DHX37: variants seen among roughly 807,000 people sequenced by gnomAD.
The protein encoded by DHX37 is DEAH-box helicase 37, also known as probable ATP-dependent RNA helicase DHX37.
A neutral mutation model predicts 134.3 loss-of-function variants in DHX37; 52 were observed. The observed-to-expected ratio is 0.39, with a 90% CI of 0.31 to 0.49. The LOEUF (loss-of-function observed/expected upper bound fraction) is 0.49, where lower values mean the gene tolerates loss of function less well. Ranked by LOEUF, DHX37 falls within the 20% of genes least tolerant of loss-of-function variation. The pLI, the probability that DHX37 is intolerant of heterozygous loss-of-function variation, is 0.93. For missense variants in DHX37, 1,344 were observed against 1,580.8 expected (o/e 0.85, Z 2.54); for synonymous variants, 634 against 670.7 (o/e 0.95, Z 0.85).
intron 22 of DHX37, 38 bp downstream of exon 22, chr12:124,950,652 C>G: frequency 6.2e-7 from 1 of 1,606,174 alleles, no homozygotes; most frequent in Admixed American, 1.7e-5. Flanking sequence ...ATTAGCGTCA[C>G]CATCGGGGGA....
rs1249174214 is a variant in DHX37 at position 124,947,731 on chromosome 12, C to T, written c.*71G>A. On this transcript the variant is annotated 3_prime_UTR_variant, in exon 27 of 27. Transcript: ENST00000308736. Reference sequence around the variant, plus strand: ...GAAGCCCATGCCAGGTGGTCACGGTCGCACGGTGACAGGCTGCTGCCAGCC... The same window carrying T: ...GAAGCCCATGCCAGGTGGTCACGGTTGCACGGTGACAGGCTGCTGCCAGCC... 11 of 1,488,754 alleles carry T rather than the reference C, an allele frequency of 7.4e-6. No individual in the cohort carries two copies. Among genetic ancestry groups the T allele is most frequent in the South Asian group, 5.6e-5 (4 of 71,286 alleles). 92.2% of individuals were successfully genotyped at this position (1,488,754 alleles called of 1,614,324 possible).
chr12:124,947,877 A>C lies in DHX37; in HGVS notation c.3399T>G (p.Ala1133=). 1 of 1,610,120 alleles carries C rather than the reference A, an allele frequency of 6.2e-7. No homozygotes were observed. Among genetic ancestry groups the C allele is most frequent in the South Asian group, 1.1e-5 (1 of 90,478 alleles). ...AWKKNPKYLL[A]EYCEWLPQAM... is the part of the protein sequence containing the mutation. ...CCTGTGGAAGCCACTCACAGTACTCAGCCAGCAGGTCTGCAGGGGAGGGAA... is the reference window on the plus strand; with the variant it reads ...CCTGTGGAAGCCACTCACAGTACTCCGCCAGCAGGTCTGCAGGGGAGGGAA... The change falls in exon 27 of 27, where the codon GCT becomes GCG. Residue 1133 remains alanine, a synonymous_variant. Coordinates refer to ENST00000308736, the MANE Select transcript of DHX37 (RefSeq NM_032656.4).
chr12:124,966,537 A>C (rs946447832), intron 12 of DHX37, among the ~76,000 whole-genome samples: 3 of 151,760 alleles, frequency 2.0e-5, no homozygotes, highest in Non-Finnish European at 4.4e-5. Context: ...TAATCTAAAA[A>C]ATTTTTTGTA....
intron 20 of DHX37, 72 bp from the exon 21 acceptor site, chr12:124,952,642 A>G: frequency 1.4e-6 from 2 of 1,457,580 alleles, no homozygotes; most frequent in South Asian, 2.9e-5. Flanking sequence ...CCTCCTAGAA[A>G]GTCCCAACCA....
In DHX37 at chr12:124,968,587, T is replaced by C. The variant is rs781633830; in HGVS notation, c.1355A>G (p.Tyr452Cys). 158 of 1,613,990 alleles carry C rather than the reference T, an allele frequency of 9.8e-5. 4 individuals are homozygous for C. The South Asian group carries it at 1.6e-3, about 17-fold the overall frequency. ...HFNKRTPLED[Y>C]SGECFRKVCK... is the part of the protein sequence containing the mutation. ...GACCTTCCGGAAGCACTCGCCACTG[T>C]AGTCTTCCAGCGGTGTCCGCTTGTT... The change falls in exon 10 of 27, where the codon TAC (tyrosine) becomes TGC (cysteine). Residue 452 changes from tyrosine to cysteine, a missense_variant. This residue lies in a region of DHX37 where 289 missense variants were observed against 323.8 expected (regional missense o/e 0.89). Coordinates refer to ENST00000308736, the MANE Select transcript of DHX37 (RefSeq NM_032656.4).
chr12:124,985,094 C>A (rs950686088), intron 2 of DHX37, among the ~76,000 whole-genome samples: 4 of 152,156 alleles, frequency 2.6e-5, no homozygotes, highest in African/African-American at 7.2e-5. Context: ...TCCCCTGAGC[C>A]CAGTGAGGAG....
At chr12:124,958,548 C>A (rs1358747592) in intron 16 of DHX37, among the ~76,000 whole-genome samples, 1 of 152,198 alleles carries the variant, frequency 6.6e-6, no homozygotes, top group Non-Finnish European at 1.5e-5. Flanking sequence ...ACTAGTAACT[C>A]CCTCCTAGAG....
chr12:124,972,658 G>C, intron 6 of DHX37, 59 bp from the exon 7 acceptor site: 1 of 1,556,316 alleles, frequency 6.4e-7, no homozygotes, highest in Non-Finnish European at 8.9e-7. Context: ...TGTCGCCACG[G>C]GGCCACTACA....
At position 124,971,252 on chromosome 12, in the gene DHX37, TG is replaced by T. The variant is rs763433024; in HGVS notation, c.1191+49del. 2.0e-4 allele frequency: 311 copies of T among 1,581,998 alleles called. 1 individual carries two copies. The highest frequency in any genetic ancestry group is 2.3e-4 in the Non-Finnish European group (272 of 1,164,230). ...AGGAAGCCCAAGCCTCTGACAGAGC[TG>T]GGGGGGGCCTAGGGCTCGGGGCTCC... On this transcript the variant is annotated intron_variant, in intron 8 of 26. Transcript: ENST00000308736.
rs374306257 is a variant in DHX37, at chr12:124,964,494, C to T, written c.1945G>A (p.Val649Ile). The T allele has an allele frequency of 6.2e-6, 10 of 1,614,086 alleles. No individual in the cohort carries two copies. Among genetic ancestry groups the T allele is most frequent in the Admixed American group, 1.7e-5 (1 of 60,004 alleles). The change falls in exon 15 of 27, where the codon GTC becomes ATC. Residue 649 changes from valine to isoleucine, a missense_variant. Val to Ile is a conservative substitution (Grantham distance 29). Around this residue, in one of 7 missense-constraint regions of DHX37, gnomAD observed 39 missense variants for 87.9 expected, o/e 0.44. Coordinates refer to ENST00000308736, the MANE Select transcript of DHX37 (RefSeq NM_032656.4). Reference protein sequence around the residue: ...GKVKKRYYDRVTGVSSFRVTW... With the variant: ...GKVKKRYYDRITGVSSFRVTW... The stretch of plus-strand genomic sequence containing the variant: ...ACACGGAAGGAGGATACGCCAGTGA[C>T]GCGGTCGTAGTAGCGTTTCTTGACC...
At chr12:124,973,211 A>G (rs1253829436) in intron 6 of DHX37, among the ~76,000 whole-genome samples, 1 of 152,166 alleles carries the variant, frequency 6.6e-6, no homozygotes, top group African/African-American at 2.4e-5. Context: ...TGAGGTGAGG[A>G]GTTCAAGACC....
chr12:124,958,943 T>C (rs1235117729), intron 16 of DHX37, among the ~76,000 whole-genome samples: 1 of 145,564 alleles, frequency 6.9e-6, no homozygotes, highest in Non-Finnish European at 1.5e-5. Context: ...GGAGTCTTGC[T>C]CTGTCTCCCA....
rs1167169148 is a variant in DHX37, at chr12:124,947,855, G to C, written c.3421C>G (p.Gln1141Glu). 1.2e-6 allele frequency: 2 copies of C among 1,609,044 alleles called. No homozygotes were observed. The highest frequency in any genetic ancestry group is 4.5e-5 in the East Asian group (2 of 44,834). ...TTCTCGATATCGGGGTGCATGGCCT[G>C]TGGAAGCCACTCACAGTACTCAGCC... ...LLAEYCEWLP[Q>E]AMHPDIEKAW... Residue 1141 changes from glutamine (Q) to glutamate (E), a missense_variant, in exon 27 of 27, where the codon CAG (glutamine) becomes GAG (glutamate). Physicochemically the swap from Gln to Glu is conservative, Grantham distance 29 (BLOSUM62 2). Around this residue, in one of 7 missense-constraint regions of DHX37, gnomAD observed 558 missense variants for 650.0 expected, o/e 0.86. Coordinates refer to ENST00000308736, the MANE Select transcript of DHX37 (RefSeq NM_032656.4).
chr12:124,957,556 C>A (rs996871953), intron 16 of DHX37, among the ~76,000 whole-genome samples: 1 of 152,156 alleles, frequency 6.6e-6, no homozygotes, highest in African/African-American at 2.4e-5. Flanking sequence ...GAGGCTGAGG[C>A]GGGTAGATCA....
rs1954211694 is a variant in DHX37 at position 124,960,438 on chromosome 12, A to T, written c.2046-15T>A. 1 of 1,604,670 alleles carries T rather than the reference A, an allele frequency of 6.2e-7. No homozygotes were observed. The highest frequency in any genetic ancestry group is 1.7e-5 in the Admixed American group (1 of 59,808). ...ATGAATACAGCCTGGATGGAGAGAA[A>T]CCGGGACAACAAACACAAAACTCAC... On this transcript the variant is annotated splice_polypyrimidine_tract_variant and intron_variant, in intron 15 of 26. Transcript: ENST00000308736.
intron 21 of DHX37, among the ~76,000 whole-genome samples, chr12:124,951,453 G>A (rs368278659): frequency 4.5e-4 from 68 of 152,306 alleles, no homozygotes; most frequent in African/African-American, 1.5e-3. Context: ...TCATGAAAAC[G>A]GGGGTGACGG....
chr12:124,968,738 G>C (rs1231760828), intron 9 of DHX37, 90 bp from the exon 10 acceptor site: 11 of 1,604,258 alleles, frequency 6.9e-6, no homozygotes, highest in Non-Finnish European at 8.5e-6. Context: ...TCCGAATCAA[G>C]GTTTCTAACA....
chr12:124,974,764 C>T (rs1323651838), intron 6 of DHX37, among the ~76,000 whole-genome samples: 3 of 151,664 alleles, frequency 2.0e-5, no homozygotes, highest in Non-Finnish European at 4.4e-5. Flanking sequence ...GTCCTACAGA[C>T]TTACCGCCTG....
intron 1 of DHX37, 157 bp from the exon 2 acceptor site, chr12:124,986,422 T>G (rs963525849): frequency 2.5e-6 from 1 of 398,120 alleles, no homozygotes; most frequent in Non-Finnish European, 3.4e-6. Flanking sequence ...TACTATGATG[T>G]TCTCAAGGCT....
Sources: allele counts gnomAD v4.1 joint callset (sites outside exome capture counted in the v4.1 genomes callset), GRCh38; gene constraint gnomAD v4.1.1; regional missense constraint gnomAD v4.1.1; transcripts MANE v1.5; gene names NCBI Gene and HGNC (gene_info 2026-07-23, HGNC 2026-07-21).